The following ACER3 variants were observed in gnomAD, a reference collection of about 807,000 sequenced individuals.
ACER3 encodes the protein alkaline ceramidase 3, also known as alkCDase 3.
A neutral mutation model predicts 48.9 loss-of-function variants in ACER3; 16 were observed. The ratio of observed to expected loss-of-function variants is 0.33; its 90% CI spans 0.22 to 0.50. ACER3 has a LOEUF of 0.50. ACER3 is among the 20% of genes least tolerant of loss of function. The pLI, the probability that ACER3 is intolerant of heterozygous loss-of-function variation, is 0.98. For missense variants in ACER3, 227 were observed against 326.0 expected (o/e 0.70, Z 2.34); for synonymous variants, 109 against 107.8 (o/e 1.01, Z -0.07).
At chr11:76,947,290 G>A (rs1947503481) in intron 2 of ACER3, among the ~76,000 whole-genome samples, 1 of 152,078 alleles carries the variant, frequency 6.6e-6, no homozygotes, top group Non-Finnish European at 1.5e-5. Context: ...AAGAGGAGAG[G>A]GTACACTGCA....
Position 76,961,744 on chromosome 11 carries a change from T to C in ACER3, c.267+2713T>C, listed in dbSNP as rs970363871. On this transcript the variant is annotated intron_variant, in intron 3 of 10. Coordinates refer to ENST00000532485, the MANE Select transcript of ACER3 (RefSeq NM_018367.7). Reference sequence around the variant, plus strand: ...TTATAATAGTTATAATGTAACCCGATGAGTAATATGGGAAATCTGAGTCCA... The same window carrying C: ...TTATAATAGTTATAATGTAACCCGACGAGTAATATGGGAAATCTGAGTCCA... Among the ~76,000 whole-genome samples, 5 of 149,090 alleles carry C rather than the reference T, an allele frequency of 3.4e-5. No individual in the cohort carries two copies. In the South Asian group the frequency reaches 1.1e-3, roughly 32 times the overall value.
intron 1 of ACER3, among the ~76,000 whole-genome samples, chr11:76,890,543 C>T (rs1007326137): frequency 2.0e-5 from 3 of 152,078 alleles, no homozygotes; most frequent in Admixed American, 1.3e-4. Context: ...ATAACTAGTG[C>T]GCATATTGTT....
chr11:76,983,893 C>T (rs1446966638), intron 4 of ACER3, among the ~76,000 whole-genome samples: 1 of 151,892 alleles, frequency 6.6e-6, no homozygotes, highest in Admixed American at 6.6e-5. Context: ...CGGATTCACG[C>T]GATTCTCCTG....
At chr11:76,978,939 C>G (rs1948514580) in intron 4 of ACER3, among the ~76,000 whole-genome samples, 3 of 152,234 alleles carry the variant, frequency 2.0e-5, no homozygotes, top group Non-Finnish European at 4.4e-5. Context: ...GCTGCAGTAG[C>G]CAGTGTGCCT....
At chr11:76,864,665 T>A (rs1352240732) in intron 1 of ACER3, among the ~76,000 whole-genome samples, 1 of 144,814 alleles carries the variant, frequency 6.9e-6, no homozygotes, top group Non-Finnish European at 1.5e-5. Flanking sequence ...AGTGTCGCGA[T>A]CTCGGCTCAC....
intron 1 of ACER3, among the ~76,000 whole-genome samples, chr11:76,910,624 C>T (rs1047053011): frequency 1.3e-5 from 2 of 151,914 alleles, no homozygotes; most frequent in African/African-American, 2.4e-5. Flanking sequence ...AGAAAATATA[C>T]CATTAATAAA....
At chr11:76,928,941 C>T (rs557074053) in intron 2 of ACER3, among the ~76,000 whole-genome samples, 28 of 152,216 alleles carry the variant, frequency 1.8e-4, no homozygotes, top group East Asian at 1.9e-4. Context: ...CTTGGCAATG[C>T]GGGCTCTTTT....
intron 2 of ACER3, chr11:76,955,571 T>C (rs1947817956): frequency 6.6e-6 from 1 of 152,342 alleles, no homozygotes; most frequent in African/African-American, 2.4e-5. Context: ...TCACATGGCC[T>C]TTCCTCTGTC....
intron 1 of ACER3, among the ~76,000 whole-genome samples, chr11:76,885,447 C>T (rs540305241): frequency 1.6e-4 from 24 of 152,244 alleles, no homozygotes; most frequent in Admixed American, 5.9e-4. Context: ...CTCTCCCTCC[C>T]CTTGCCCAGG....
chr11:76,890,894 C>T (rs1472558769), intron 1 of ACER3, among the ~76,000 whole-genome samples: 1 of 151,944 alleles, frequency 6.6e-6, no homozygotes, highest in Non-Finnish European at 1.5e-5. Flanking sequence ...CTGAGGCAGG[C>T]GGATCACCTG....
At chr11:76,959,574 C>T (rs529072683) in intron 3 of ACER3, among the ~76,000 whole-genome samples, 7 of 151,200 alleles carry the variant, frequency 4.6e-5, no homozygotes, top group Non-Finnish European at 8.9e-5. Context: ...TTTTTTGAGT[C>T]AAAGTTTTGC....
chr11:76,934,820 C>T (rs567482503), intron 2 of ACER3, among the ~76,000 whole-genome samples: 113 of 152,058 alleles, frequency 7.4e-4, no homozygotes, highest in African/African-American at 2.5e-3. Context: ...AATCTTTACT[C>T]TCTCTATAAA....
chr11:77,001,972 A>G (rs1351005948), intron 7 of ACER3, among the ~76,000 whole-genome samples: 5 of 152,060 alleles, frequency 3.3e-5, no homozygotes, highest in African/African-American at 1.2e-4. Flanking sequence ...TTGGCATGCA[A>G]TTGGCCACAC....
At chr11:76,911,031 T>C (rs1946365433) in intron 1 of ACER3, among the ~76,000 whole-genome samples, 1 of 152,218 alleles carries the variant, frequency 6.6e-6, no homozygotes, top group Non-Finnish European at 1.5e-5. Flanking sequence ...CTACAGTCTC[T>C]GCTACTGTTA....
chr11:76,999,437 A>C (rs1421579172), intron 7 of ACER3, among the ~76,000 whole-genome samples: 1 of 151,824 alleles, frequency 6.6e-6, no homozygotes, highest in Non-Finnish European at 1.5e-5. Flanking sequence ...AAATGCATAC[A>C]TTTGTAAAAA....
At position 76,926,576 on chromosome 11, in the gene ACER3, G is replaced by A. The variant is rs1390319536; in HGVS notation, c.123G>A (p.Leu41=). 7 of 1,606,392 alleles carry A rather than the reference G, an allele frequency of 4.4e-6. No individual in the cohort carries two copies. The highest frequency in any genetic ancestry group is 1.3e-5 in the African/African-American group (1 of 74,942). The change falls in exon 2 of 11, where the codon CTG becomes CTA. Residue 41 remains leucine (L), a synonymous_variant. Coordinates refer to ENST00000532485, the MANE Select transcript of ACER3 (RefSeq NM_018367.7). ...IAEFWNTVSN[L]IMIIPPMFGA... ...TTAAAGGGAATACAGTGAGTAACCT[G>A]ATCATGATTATACCTCCAATGTTCG...
At chr11:77,012,839 T>C (rs934456635) in intron 7 of ACER3, among the ~76,000 whole-genome samples, 3 of 152,176 alleles carry the variant, frequency 2.0e-5, no homozygotes, top group Non-Finnish European at 4.4e-5. Context: ...CCAAAACAGT[T>C]TTTGAAAAGG....
chr11:76,944,080 T>C (rs932340464), intron 2 of ACER3, among the ~76,000 whole-genome samples: 1 of 152,138 alleles, frequency 6.6e-6, no homozygotes, highest in African/African-American at 2.4e-5. Context: ...TATGTAGATA[T>C]AGCTGGATCA....
intron 3 of ACER3, among the ~76,000 whole-genome samples, chr11:76,963,575 G>A (rs530722701): frequency 8.6e-5 from 13 of 151,340 alleles, no homozygotes; most frequent in South Asian, 2.1e-4. Context: ...GTGAAACCTC[G>A]GTCAAATCCA....
Sources: allele counts gnomAD v4.1 joint callset (sites outside exome capture counted in the v4.1 genomes callset), GRCh38; gene constraint gnomAD v4.1.1; transcripts MANE v1.5; gene names NCBI Gene and HGNC (gene_info 2026-07-23, HGNC 2026-07-21).